PCDH7: variants seen among roughly 807,000 people sequenced by gnomAD.
PCDH7 encodes the protein protocadherin 7, also known as protocadherin-7.
In PCDH7, 17 loss-of-function variants were observed where a neutral mutation model predicts 58.9. That is an observed-to-expected ratio of 0.29 (90% confidence interval 0.20 to 0.43). PCDH7 has a LOEUF of 0.43. PCDH7 is among the 20% of genes least tolerant of loss of function. PCDH7 has a pLI of 1.00. For missense variants in PCDH7, 1,274 were observed against 1,441.0 expected (o/e 0.88, Z 1.88); for synonymous variants, 664 against 616.4 (o/e 1.08, Z -1.14).
chr4:30,883,417 A>G (rs758045962), intron 1 of PCDH7, among the ~76,000 whole-genome samples: 7 of 152,008 alleles, frequency 4.6e-5, no homozygotes, highest in Non-Finnish European at 7.4e-5. Flanking sequence ...CCAAGAAATC[A>G]TGACCTCAGT....
chr4:30,897,622 T>G (rs2051537121), intron 1 of PCDH7, among the ~76,000 whole-genome samples: 1 of 152,228 alleles, frequency 6.6e-6, no homozygotes, highest in Admixed American at 6.5e-5. Flanking sequence ...TAGAGTTCTA[T>G]AATTCCTAAA....
chr4:30,834,685 T>A (rs1461272753), intron 1 of PCDH7, among the ~76,000 whole-genome samples: 1 of 151,238 alleles, frequency 6.6e-6, no homozygotes, highest in East Asian at 1.9e-4. Context: ...AAAACCTGAG[T>A]CTCTTCCAAG....
chr4:30,823,786 A>G (rs1728669828), intron 1 of PCDH7, among the ~76,000 whole-genome samples: 1 of 152,148 alleles, frequency 6.6e-6, no homozygotes, highest in African/African-American at 2.4e-5. Context: ...GGGCTAACTC[A>G]GCATAGGTCC....
At chr4:30,757,136 T>C (rs1719404808) in intron 1 of PCDH7, among the ~76,000 whole-genome samples, 1 of 152,222 alleles carries the variant, frequency 6.6e-6, no homozygotes, top group South Asian at 2.1e-4. Flanking sequence ...GCTTCTATTT[T>C]CAAATGACAG....
chr4:30,915,987 T>C (rs1742422447), intron 1 of PCDH7, among the ~76,000 whole-genome samples: 1 of 152,210 alleles, frequency 6.6e-6, no homozygotes, highest in Admixed American at 6.5e-5. Flanking sequence ...CAGCATGTTG[T>C]TTATGCCTCC....
At chr4:31,001,340 T>C (rs1458571255) in intron 3 of PCDH7, among the ~76,000 whole-genome samples, 2 of 152,106 alleles carry the variant, frequency 1.3e-5, no homozygotes, top group African/African-American at 4.8e-5. Flanking sequence ...TAAATAAATA[T>C]TAGTTAAAAA....
intron 1 of PCDH7, among the ~76,000 whole-genome samples, chr4:30,857,571 T>C (rs1254679398): frequency 1.3e-5 from 2 of 152,180 alleles, no homozygotes; most frequent in East Asian, 3.9e-4. Context: ...TCTTAGTTCT[T>C]GGAATGTTAG....
intron 3 of PCDH7, among the ~76,000 whole-genome samples, chr4:31,129,564 G>C (rs1718716651): frequency 6.6e-6 from 1 of 152,042 alleles, no homozygotes; most frequent in Admixed American, 6.6e-5. Context: ...TTTAAACTAG[G>C]AACAGACTTG....
At chr4:30,818,399 T>C (rs1727956612) in intron 1 of PCDH7, among the ~76,000 whole-genome samples, 1 of 152,186 alleles carries the variant, frequency 6.6e-6, no homozygotes, top group Non-Finnish European at 1.5e-5. Context: ...CTAGTTATCA[T>C]ATGCCAAAAG....
intron 1 of PCDH7, among the ~76,000 whole-genome samples, chr4:30,787,712 T>A (rs1177789126): frequency 6.6e-6 from 1 of 152,128 alleles, no homozygotes; most frequent in Non-Finnish European, 1.5e-5. Context: ...AGTTACTTGC[T>A]CAATTGAAGA....
chr4:30,963,078 G>C (rs1748623290), intron 3 of PCDH7, among the ~76,000 whole-genome samples: 1 of 152,118 alleles, frequency 6.6e-6, no homozygotes, highest in African/African-American at 2.4e-5. Context: ...GTATGCCATT[G>C]GTAGACAACT....
At chr4:31,128,070 T>G (rs957748736) in intron 3 of PCDH7, among the ~76,000 whole-genome samples, 3 of 150,380 alleles carry the variant, frequency 2.0e-5, no homozygotes, top group African/African-American at 7.4e-5. Context: ...TGTATATATG[T>G]GTGTGTATAT....
intron 1 of PCDH7, among the ~76,000 whole-genome samples, chr4:30,919,914 A>G (rs769922765): frequency 4.6e-5 from 7 of 152,124 alleles, no homozygotes; most frequent in Non-Finnish European, 8.8e-5. Flanking sequence ...TTTTAGTGAA[A>G]TTACTGTTTT....
At chr4:31,067,031 G>A (rs180840783) in intron 3 of PCDH7, among the ~76,000 whole-genome samples, 1 of 152,068 alleles carries the variant, frequency 6.6e-6, no homozygotes, top group East Asian at 1.9e-4. Context: ...ATGAGGAATA[G>A]GAGGCCTGGG....
At chr4:31,044,919 G>T (rs796232352) in intron 3 of PCDH7, among the ~76,000 whole-genome samples, 6 of 151,912 alleles carry the variant, frequency 3.9e-5, no homozygotes, top group Non-Finnish European at 7.4e-5. Context: ...GTGACTTTTG[G>T]ACCCTGACTT....
chr4:30,958,143 G>A (rs1049434229), intron 3 of PCDH7, among the ~76,000 whole-genome samples: 3 of 152,006 alleles, frequency 2.0e-5, no homozygotes, highest in Admixed American at 6.6e-5. Context: ...GGAGGTTACA[G>A]TTTTTTAAAA....
At chr4:30,833,262 C>T (rs1730038428) in intron 1 of PCDH7, among the ~76,000 whole-genome samples, 1 of 152,020 alleles carries the variant, frequency 6.6e-6, no homozygotes, top group East Asian at 1.9e-4. Context: ...TCTCAGTGGG[C>T]TAAAATCCAG....
chr4:30,842,090 T>C (rs1731292203), intron 1 of PCDH7, among the ~76,000 whole-genome samples: 1 of 152,106 alleles, frequency 6.6e-6, no homozygotes, highest in African/African-American at 2.4e-5. Flanking sequence ...GGAAAACATA[T>C]TTGACATTAA....
intron 3 of PCDH7, among the ~76,000 whole-genome samples, chr4:31,068,857 G>A (rs927933671): frequency 3.9e-5 from 6 of 152,058 alleles, no homozygotes; most frequent in East Asian, 3.9e-4. Context: ...AGTAGGCCCC[G>A]TGACTCATAT....
Sources: allele counts gnomAD v4.1 joint callset (sites outside exome capture counted in the v4.1 genomes callset), GRCh38; gene constraint gnomAD v4.1.1; transcripts MANE v1.5; gene names NCBI Gene and HGNC (gene_info 2026-07-23, HGNC 2026-07-21).